Variants in CUBN observed in about 807,000 individuals in gnomAD.
CUBN encodes the protein cubilin.
A neutral mutation model predicts 405.3 loss-of-function variants in CUBN; 282 were observed. That is an observed-to-expected ratio of 0.70 (90% CI 0.63 to 0.77). The LOEUF (loss-of-function observed/expected upper bound fraction) is 0.77. CUBN is among the 30% of genes least tolerant of loss of function. The pLI is 0.00. For synonymous variants in CUBN, 1,684 were observed against 1,617.0 expected, an observed-to-expected ratio of 1.04 and a Z score of -0.99; for missense variants, 4,514 against 4,475.2, an observed-to-expected ratio of 1.01 and a Z score of -0.25.
chr10:17,067,985 G>A (rs1835649784), intron 21 of CUBN, 79 bp downstream of exon 21: 1 of 1,132,368 alleles, frequency 8.8e-7, no homozygotes, highest in Non-Finnish European at 1.3e-6. Flanking sequence ...AACACAACGT[G>A]GTCAATTTTA....
chr10:17,122,922 T>C, intron 5 of CUBN, 24 bp from the exon 6 acceptor site: 1 of 1,544,976 alleles, frequency 6.5e-7, no homozygotes, highest in Non-Finnish European at 9.0e-7. Flanking sequence ...AGGAACAAAG[T>C]CAGGTGCCAA....
intron 27 of CUBN, among the ~76,000 whole-genome samples, chr10:17,033,166 G>T (rs1834820801): frequency 6.6e-6 from 1 of 152,090 alleles, no homozygotes; most frequent in Admixed American, 6.5e-5. Context: ...CTCTTAATGT[G>T]CCCACCCTGC....
At chr10:17,071,256 C>G (rs537367869) in intron 19 of CUBN, among the ~76,000 whole-genome samples, 170 bp downstream of exon 19, 2 of 152,084 alleles carry the variant, frequency 1.3e-5, no homozygotes, top group Non-Finnish European at 2.9e-5. Context: ...TCTTTTTGTG[C>G]TAGATTCACT....
chr10:17,105,205 T>C (rs965561526), intron 11 of CUBN, among the ~76,000 whole-genome samples: 1 of 152,240 alleles, frequency 6.6e-6, no homozygotes, highest in Non-Finnish European at 1.5e-5. Flanking sequence ...TTGTTTTGTA[T>C]GTCAGATTTA....
intron 59 of CUBN, among the ~76,000 whole-genome samples, chr10:16,855,951 A>G (rs1839857570): frequency 6.6e-6 from 1 of 152,218 alleles, no homozygotes; most frequent in Non-Finnish European, 1.5e-5. Flanking sequence ...AATGAAATGT[A>G]AGTGTATATG....
At chr10:17,055,227 G>C (rs1018028241) in intron 22 of CUBN, among the ~76,000 whole-genome samples, 4 of 151,994 alleles carry the variant, frequency 2.6e-5, no homozygotes, top group Admixed American at 2.6e-4. Flanking sequence ...CACCTATCCA[G>C]GATAAAAACT....
At chr10:17,123,319 TTTAAA>T (rs1292284528) in intron 5 of CUBN, 1 of 528,428 alleles carries the variant, frequency 1.9e-6, no homozygotes, top group African/African-American at 1.9e-5. Context: ...TGCTGAACAA[TTTAAA>T]TTAATGTTAA....
intron 6 of CUBN, chr10:17,122,429 G>A: frequency 2.7e-6 from 1 of 369,156 alleles, no homozygotes. Context: ...GGTGTGGTGG[G>A]GTGTCCCCTT....
chr10:16,884,462 G>A (rs1008350528), intron 56 of CUBN, among the ~76,000 whole-genome samples: 1 of 151,572 alleles, frequency 6.6e-6, no homozygotes, highest in Admixed American at 6.6e-5. Flanking sequence ...ATTTTGGACT[G>A]TTTAATATTT....
intron 57 of CUBN, among the ~76,000 whole-genome samples, chr10:16,875,022 TC>T: frequency 6.6e-6 from 1 of 152,166 alleles, no homozygotes; most frequent in East Asian, 1.9e-4. Flanking sequence ...CCAGTTTAGT[TC>T]CTTCTGTGGG....
At chr10:16,831,707 T>C (rs1017466926) in intron 64 of CUBN, among the ~76,000 whole-genome samples, 1 of 152,196 alleles carries the variant, frequency 6.6e-6, no homozygotes, top group African/African-American at 2.4e-5. Flanking sequence ...TGTGCTGTGA[T>C]CCTGCAGCCT....
chr10:16,973,789 G>A lies in CUBN; in HGVS notation c.4695+8695C>T, dbSNP rs140646923. On this transcript the variant is annotated intron_variant, in intron 31 of 66. Transcript: ENST00000377833. Reference sequence around the variant, plus strand: ...ACTTCATTTAGGATTATGGCCTCCAGCTCCATCCATGTTGCTGAAAAGGAC... The same window carrying A: ...ACTTCATTTAGGATTATGGCCTCCAACTCCATCCATGTTGCTGAAAAGGAC... Among the ~76,000 whole-genome samples, 565 of 152,244 alleles carry A rather than the reference G, an allele frequency of 3.7e-3. 1 individual carries two copies. The highest frequency in any genetic ancestry group is 5.3e-3 in the Non-Finnish European group (361 of 68,024).
chr10:16,827,776 T>G (rs922816488), intron 66 of CUBN, among the ~76,000 whole-genome samples: 1 of 152,234 alleles, frequency 6.6e-6, no homozygotes, highest in Non-Finnish European at 1.5e-5. Flanking sequence ...AATTTTTGTA[T>G]TTTTAGTAGA....
At chr10:17,045,581 G>A (rs1008864627) in intron 24 of CUBN, among the ~76,000 whole-genome samples, 7 of 151,834 alleles carry the variant, frequency 4.6e-5, no homozygotes, top group Non-Finnish European at 7.4e-5. Context: ...GTTTAGTAGA[G>A]ACTATGTTGG....
In CUBN at chr10:16,915,933, A is replaced by T; in HGVS notation, c.7098T>A (p.His2366Gln). The T allele has an allele frequency of 6.2e-7, 1 of 1,614,140 alleles. No individual in the cohort carries two copies. The highest frequency in any genetic ancestry group is 8.5e-7 in the Non-Finnish European group (1 of 1,179,994). Residue 2366 changes from histidine (H) to glutamine (Q), a missense_variant, in exon 46 of 67, where the codon CAT becomes CAA. By Grantham distance (24) the His-to-Gln change is conservative. Around this residue, in one of 5 missense-constraint regions of CUBN, gnomAD observed 1,613 missense variants for 1,542.8 expected, o/e 1.05. Coordinates refer to ENST00000377833, the MANE Select transcript of CUBN (RefSeq NM_001081.4). ...GATAGTGTCCAGAGAGCCCCTGGAG[A>T]TGCCACTCACAGAATAAGTTGTCTC... ...PYRDNLFCEW[H>Q]LQGLSGHYLT...
intron 17 of CUBN, among the ~76,000 whole-genome samples, chr10:17,078,325 C>G (rs796676404): frequency 6.6e-6 from 1 of 152,134 alleles, no homozygotes; most frequent in Non-Finnish European, 1.5e-5. Flanking sequence ...TTTTTTCTGA[C>G]TTCAGTCTCT....
At position 16,937,583 on chromosome 10, in the gene CUBN, C is replaced by T. The variant is rs764090476; in HGVS notation, c.5926+9G>A. 2 of 1,612,970 alleles carry T rather than the reference C, an allele frequency of 1.2e-6. No individual in the cohort carries two copies. Among genetic ancestry groups the T allele is most frequent in the South Asian group, 1.1e-5 (1 of 91,018 alleles). Reference sequence around the variant, plus strand: ...TCCTAAAAAGAACTTCATTTATTACCAAACACACCTGGAGCAATGGTAGGT... The same window carrying T: ...TCCTAAAAAGAACTTCATTTATTACTAAACACACCTGGAGCAATGGTAGGT... On this transcript the variant is annotated intron_variant, in intron 39 of 66. Coordinates refer to ENST00000377833, the MANE Select transcript of CUBN (RefSeq NM_001081.4).
rs1564525745 is a variant in CUBN at position 17,126,789 on chromosome 10, A to C, written c.359T>G (p.Leu120Arg). 6.2e-7 allele frequency: 1 copy of C among 1,614,202 alleles called. No homozygotes were observed. Among genetic ancestry groups the C allele is most frequent in the Non-Finnish European group, 8.5e-7 (1 of 1,180,028 alleles). Residue 120 changes from leucine (L) to arginine (R), a missense_variant, in exon 4 of 67, where the codon CTT becomes CGT. Coordinates refer to ENST00000377833, the MANE Select transcript of CUBN (RefSeq NM_001081.4). The stretch of plus-strand genomic sequence containing the variant: ...CTGCAAGCCTTGGAATTTTCTCTCA[A>C]GATCCACCAGCTGGCAATAGGGAAG... ...IYQLNSKLVDLERKFQGLQQT... is the reference protein window; with the variant it reads ...IYQLNSKLVDRERKFQGLQQT...
At chr10:17,127,749 A>T in intron 3 of CUBN, 80 bp downstream of exon 3, 3 of 954,006 alleles carry the variant, frequency 3.1e-6, no homozygotes, top group Non-Finnish European at 5.0e-6. Context: ...CAAAGTTGGT[A>T]TATCCCCTAC....
Sources: allele counts gnomAD v4.1 joint callset (sites outside exome capture counted in the v4.1 genomes callset), GRCh38; gene constraint gnomAD v4.1.1; regional missense constraint gnomAD v4.1.1; transcripts MANE v1.5; gene names NCBI Gene and HGNC (gene_info 2026-07-23, HGNC 2026-07-21).